The following PCDHGA3 variants were observed in gnomAD, a reference collection of about 807,000 sequenced individuals.
PCDHGA3 encodes protocadherin gamma subfamily A, 3, also known as protocadherin gamma-A3.
Under a neutral mutation model 58.5 loss-of-function variants are expected in PCDHGA3, and 40 were observed. That is an observed-to-expected ratio of 0.68 (90% confidence interval 0.53 to 0.89). PCDHGA3 has a LOEUF of 0.89. PCDHGA3 is among the 40% of genes least tolerant of loss of function. The pLI is 0.00. For missense variants in PCDHGA3, 1,223 were observed against 1,195.9 expected, an observed-to-expected ratio of 1.02 and a Z score of -0.33; for synonymous variants, 530 against 525.7, an observed-to-expected ratio of 1.01 and a Z score of -0.11.
intron 1 of PCDHGA3, chr5:141,371,522 T>C: frequency 3.1e-6 from 5 of 1,613,848 alleles, no homozygotes; most frequent in Non-Finnish European, 4.2e-6. Context: ...ATCTAGATTC[T>C]GGATTTAATG....
chr5:141,372,129 C>T (rs62620756), intron 1 of PCDHGA3: 5 of 1,613,514 alleles, frequency 3.1e-6, no homozygotes, highest in African/African-American at 1.3e-5. Flanking sequence ...CGATATGGTG[C>T]CGCGCTCTGC....
At chr5:141,355,760 A>G in intron 1 of PCDHGA3, 1 of 1,613,936 alleles carries the variant, frequency 6.2e-7, no homozygotes, top group Non-Finnish European at 8.5e-7. Flanking sequence ...AGTGGGGCCG[A>G]TGGGATTAAG....
chr5:141,414,578 A>G, intron 1 of PCDHGA3: 1 of 1,613,960 alleles, frequency 6.2e-7, no homozygotes, highest in Non-Finnish European at 8.5e-7. Context: ...ATCCCAGAGA[A>G]CAACGCCAGG....
chr5:141,345,981 G>A lies in PCDHGA3; in HGVS notation c.1948G>A (p.Gly650Ser). 6.2e-7 allele frequency: 1 copy of A among 1,613,408 alleles called. No homozygotes were observed. The highest frequency in any genetic ancestry group is 8.5e-7 in the Non-Finnish European group (1 of 1,179,840). The change falls in exon 1 of 4, where the codon GGC becomes AGC. Residue 650 changes from glycine to serine, a missense_variant. Gly to Ser is a moderately conservative substitution (Grantham distance 56). Coordinates refer to ENST00000253812, the MANE Select transcript of PCDHGA3 (RefSeq NM_018916.4). ...CCTCGTGGTGGCCGTCCAGGACCACGGCCAGCCCCCTCTCTCCGCCACTGT... is the reference window on the plus strand; with the variant it reads ...CCTCGTGGTGGCCGTCCAGGACCACAGCCAGCCCCCTCTCTCCGCCACTGT... ...QSLVVAVQDH[G>S]QPPLSATVTL...
At chr5:141,381,012 AC>A (rs1776931879) in intron 1 of PCDHGA3, among the ~76,000 whole-genome samples, 1 of 152,354 alleles carries the variant, frequency 6.6e-6, no homozygotes, top group South Asian at 2.1e-4. Context: ...CATCTATAAT[AC>A]CTCTATTAGT....
chr5:141,389,456 C>T, intron 1 of PCDHGA3: 1 of 1,613,332 alleles, frequency 6.2e-7, no homozygotes, highest in South Asian at 1.1e-5. Context: ...AGCAGCTGCG[C>T]GCCTTCGAAC....
At chr5:141,411,215 A>C (rs1202378654) in intron 1 of PCDHGA3, 1 of 152,270 alleles carries the variant, frequency 6.6e-6, no homozygotes, top group Non-Finnish European at 1.5e-5. Context: ...TAACCTATCT[A>C]TTCAAATTTG....
At chr5:141,386,930 G>A (rs555182145) in intron 1 of PCDHGA3, among the ~76,000 whole-genome samples, 29 of 152,300 alleles carry the variant, frequency 1.9e-4, no homozygotes, top group African/African-American at 6.0e-4. Flanking sequence ...AATAAGTGCA[G>A]AGGTAGGAAG....
intron 1 of PCDHGA3, chr5:141,408,696 A>G (rs768439069): frequency 6.2e-7 from 1 of 1,613,648 alleles, no homozygotes; most frequent in East Asian, 2.2e-5. Context: ...ATAAACATAA[A>G]CTCAATTAAA....
intron 1 of PCDHGA3, chr5:141,419,512 G>T (rs754877872): frequency 3.7e-6 from 6 of 1,612,296 alleles, no homozygotes; most frequent in South Asian, 1.1e-5. Context: ...TGCGCGTGTT[G>T]GTGGGCGACC....
intron 1 of PCDHGA3, chr5:141,415,641 T>TAA (rs113784532): frequency 8.4e-5 from 108 of 1,280,644 alleles, no homozygotes; most frequent in African/African-American, 8.0e-4. Flanking sequence ...TTACTTTTGT[T>TAA]AAAAAAAAAA....
At chr5:141,443,872 A>C (rs1446612063) in intron 1 of PCDHGA3, among the ~76,000 whole-genome samples, 4 of 152,212 alleles carry the variant, frequency 2.6e-5, no homozygotes, top group African/African-American at 9.7e-5. Flanking sequence ...AAAATTACTG[A>C]TAAGTCAAGA....
intron 1 of PCDHGA3, among the ~76,000 whole-genome samples, chr5:141,463,570 T>A (rs557041487): frequency 2.7e-5 from 4 of 146,586 alleles, no homozygotes; most frequent in Middle Eastern, 3.5e-3. Context: ...TGCCTCAGCC[T>A]CCCGAGTAGC....
rs769641310 is a variant in PCDHGA3, at chr5:141,477,421, T to G, written c.2425-17386T>G. 1.7e-5 allele frequency: 28 copies of G among 1,614,172 alleles called. No individual in the cohort carries two copies. Among genetic ancestry groups the G allele is most frequent in the Non-Finnish European group, 2.3e-5 (27 of 1,180,028 alleles). On this transcript the variant is annotated intron_variant, in intron 1 of 3. Coordinates refer to ENST00000253812, the MANE Select transcript of PCDHGA3 (RefSeq NM_018916.4). The surrounding 1 kb of genome is among the most constrained non-coding windows in gnomAD (Gnocchi z 4.9). ...TCACCGCCCGAGACGCCGGAACCCC[T>G]TCCCTCTCAGCCCTTACAATAGTGC...
intron 1 of PCDHGA3, chr5:141,402,906 C>T: frequency 1.3e-6 from 2 of 1,529,180 alleles, no homozygotes; most frequent in Non-Finnish European, 1.8e-6. Context: ...CCTGATGAAG[C>T]AGCGCGCACA....
chr5:141,472,980 C>CAAAAAAAAAAAAAAA (rs60579131), intron 1 of PCDHGA3, among the ~76,000 whole-genome samples: 13 of 86,076 alleles, frequency 1.5e-4, no homozygotes, highest in African/African-American at 1.9e-4. Context: ...GAGTGAAACT[C>CAAAAAAAAAAAAAAA]AAAAAAAAAA....
intron 1 of PCDHGA3, chr5:141,362,415 A>T: frequency 6.2e-7 from 1 of 1,614,024 alleles, no homozygotes; most frequent in Non-Finnish European, 8.5e-7. Context: ...CCTCACAATC[A>T]GCCAAGACAG....
In PCDHGA3 at chr5:141,502,866, C is replaced by CTTTTTTTTTT. The variant is rs549047197; in HGVS notation, c.2484-2522_2484-2513dup. On this transcript the variant is annotated intron_variant, in intron 2 of 3. Transcript: ENST00000253812. ...GAGCTGCCTAACCCTGACTCTCTGT[C>CTTTTTTTTTT]TTTTTTTTTTTTTTGACAGGGAGTC... 1.9e-3 allele frequency among the ~76,000 whole-genome samples: 240 copies of CTTTTTTTTTT among 127,966 alleles called. 11 individuals are homozygous for CTTTTTTTTTT. The highest frequency in any genetic ancestry group is 3.5e-3 in the Admixed American group (41 of 11,656). The allele number at this position is 127,966 out of a possible 152,430, so 84.0% of individuals were successfully genotyped here.
chr5:141,423,758 G>GGGT, intron 1 of PCDHGA3: 1 of 366,842 alleles, frequency 2.7e-6, no homozygotes, highest in Non-Finnish European at 3.8e-6. Context: ...TTTGGGGGGG[G>GGGT]GGTGGGGCGG....
Sources: allele counts gnomAD v4.1 joint callset (sites outside exome capture counted in the v4.1 genomes callset), GRCh38; gene constraint gnomAD v4.1.1; non-coding constraint Gnocchi (gnomAD v3.1); transcripts MANE v1.5; gene names NCBI Gene and HGNC (gene_info 2026-07-23, HGNC 2026-07-21).